FBXO27: variants seen among roughly 807,000 people sequenced by gnomAD.
FBXO27 encodes the protein F-box protein 27, also known as F-box only protein 27.
Under a neutral mutation model 28.3 loss-of-function variants are expected in FBXO27, and 28 were observed. The ratio of observed to expected loss-of-function variants is 0.99; its 90% CI spans 0.73 to 1.36. The LOEUF (loss-of-function observed/expected upper bound fraction) is 1.36, where lower values mean the gene tolerates loss of function less well. FBXO27 is among the 40% of genes most tolerant of loss of function. FBXO27 has a pLI of 0.00. For missense variants in FBXO27, 388 were observed against 394.1 expected (o/e 0.98, Z 0.13); for synonymous variants, 175 against 167.3 (o/e 1.05, Z -0.36).
At chr19:39,015,967 G>A (rs993986194) in intron 1 of FBXO27, among the ~76,000 whole-genome samples, 9 of 152,158 alleles carry the variant, frequency 5.9e-5, no homozygotes, top group Non-Finnish European at 7.3e-5. Flanking sequence ...AGCTACTCGG[G>A]AGGCTGAGGT....
chr19:39,017,929 T>C (rs1443795919), intron 1 of FBXO27, among the ~76,000 whole-genome samples: 2 of 152,142 alleles, frequency 1.3e-5, no homozygotes, highest in African/African-American at 4.8e-5. Context: ...AGTCCTTATA[T>C]AAAATGCAGT....
At chr19:39,011,705 G>A (rs1031439858) in intron 2 of FBXO27, among the ~76,000 whole-genome samples, 1 of 145,804 alleles carries the variant, frequency 6.9e-6, no homozygotes, top group Non-Finnish European at 1.5e-5. Flanking sequence ...GGGGAGGGGG[G>A]GTCTCCCTTT....
At chr19:39,017,399 A>G (rs1198141322) in intron 1 of FBXO27, among the ~76,000 whole-genome samples, 3 of 152,202 alleles carry the variant, frequency 2.0e-5, no homozygotes, top group Non-Finnish European at 2.9e-5. Flanking sequence ...GATTTTAAAA[A>G]ATCATACGTT....
chr19:39,025,751 G>T (rs1043546885), intron 5 of FBXO27, among the ~76,000 whole-genome samples, 197 bp from the exon 6 acceptor site: 1 of 151,536 alleles, frequency 6.6e-6, no homozygotes, highest in African/African-American at 2.4e-5. Context: ...GGTATGGCTC[G>T]TGCCTGTAAT....
chr19:39,018,946 G>A (rs2072831845), intron 1 of FBXO27, among the ~76,000 whole-genome samples: 1 of 151,694 alleles, frequency 6.6e-6, no homozygotes, highest in Non-Finnish European at 1.5e-5. Flanking sequence ...GTGGGTGCCT[G>A]TAATCCCAGC....
chr19:39,016,969 T>A, intron 1 of FBXO27, among the ~76,000 whole-genome samples: 1 of 151,878 alleles, frequency 6.6e-6, no homozygotes, highest in East Asian at 1.9e-4. Flanking sequence ...CCTGTAGTCC[T>A]AGCTACTCAG....
rs1208955106 is a variant in FBXO27 at position 39,031,182 on chromosome 19, G to A, written c.476+27C>T. 9 of 1,613,048 alleles carry A rather than the reference G, an allele frequency of 5.6e-6. No individual in the cohort carries two copies. In the East Asian group the frequency reaches 1.3e-4, roughly 24 times the overall value. ...GGCAGGCCTTTCTCAACAAGGGGCC[G>A]GACCTTTGGATAGCAGGGGCATTCA... On this transcript the variant is annotated intron_variant, in intron 3 of 5. Coordinates refer to ENST00000292853, the MANE Select transcript of FBXO27 (RefSeq NM_178820.5).
In FBXO27 at chr19:39,031,196, C is replaced by A. The variant is rs201255325; in HGVS notation, c.476+13G>T. 3 of 1,613,896 alleles carry A rather than the reference C, an allele frequency of 1.9e-6. No individual in the cohort carries two copies. In the East Asian group the frequency reaches 6.7e-5, roughly 36 times the overall value. ...AACAAGGGGCCGGACCTTTGGATAGCAGGGGCATTCACCTGAATGAAGTCA... is the reference window on the plus strand; with the variant it reads ...AACAAGGGGCCGGACCTTTGGATAGAAGGGGCATTCACCTGAATGAAGTCA... On this transcript the variant is annotated intron_variant, in intron 3 of 5. Coordinates refer to ENST00000292853, the MANE Select transcript of FBXO27 (RefSeq NM_178820.5).
chr19:39,030,263 A>C (rs1600228900), intron 4 of FBXO27, among the ~76,000 whole-genome samples: 1 of 152,184 alleles, frequency 6.6e-6, no homozygotes, highest in East Asian at 1.9e-4. Context: ...AGTACTTGCT[A>C]TGTGTTTGCC....
At chr19:39,020,021 G>A (rs1260894777), downstream of FBXO27, among the ~76,000 whole-genome samples, 2 of 152,094 alleles carry the variant, frequency 1.3e-5, no homozygotes, top group African/African-American at 2.4e-5. Context: ...CCAAAGTGCT[G>A]GGATTACAGG....
chr19:39,029,485 G>T (rs536340153), intron 4 of FBXO27, among the ~76,000 whole-genome samples: 114 of 148,880 alleles, frequency 7.7e-4, no homozygotes, highest in African/African-American at 2.7e-3. Context: ...TGGCCACTTT[G>T]CCTGGCTCCC....
At chr19:39,006,385 C>T (rs1221177980) in intron 2 of FBXO27, among the ~76,000 whole-genome samples, 1 of 151,938 alleles carries the variant, frequency 6.6e-6, no homozygotes, top group East Asian at 1.9e-4. Flanking sequence ...TGGAGAAACC[C>T]CGTCTCTACT....
chr19:39,009,770 C>T (rs2072785978), intron 2 of FBXO27, among the ~76,000 whole-genome samples: 1 of 151,756 alleles, frequency 6.6e-6, no homozygotes. Flanking sequence ...TGGTTGTGTC[C>T]TCTGATGCAC....
chr19:39,019,323 G>T (rs1326328679), downstream of FBXO27, among the ~76,000 whole-genome samples: 5 of 150,344 alleles, frequency 3.3e-5, no homozygotes, highest in Non-Finnish European at 5.9e-5. Flanking sequence ...TACTCGGGAG[G>T]CTGAGGCAAG....
intron 4 of FBXO27, 130 bp downstream of exon 4, chr19:39,030,899 T>G: frequency 1.3e-6 from 1 of 792,412 alleles, no homozygotes; most frequent in Non-Finnish European, 2.2e-6. Context: ...TGAGCCACCA[T>G]GGCTGGCCTG....
Position 39,025,243 on chromosome 19 carries a change from G to A in FBXO27, c.*168C>T. ...AAGATGGAAGAAGCTTCTTCTGGTA[G>A]TTTCTAGAACCTGAAGACAGGGCCC... On this transcript the variant is annotated 3_prime_UTR_variant, in exon 6 of 6. Transcript: ENST00000292853. 1 of 870,996 alleles carries A rather than the reference G, an allele frequency of 1.1e-6. No homozygotes were observed. Among genetic ancestry groups the A allele is most frequent in the East Asian group, 2.6e-5 (1 of 38,820 alleles). 54.0% of individuals were successfully genotyped at this position (870,996 alleles called of 1,614,324 possible).
chr19:39,007,059 A>AAAG, intron 2 of FBXO27, among the ~76,000 whole-genome samples: 1 of 145,384 alleles, frequency 6.9e-6, no homozygotes, highest in Non-Finnish European at 1.5e-5. Flanking sequence ...GGTGTCTCCA[A>AAAG]AAAAAAAAAA....
intron 2 of FBXO27, among the ~76,000 whole-genome samples, chr19:39,007,422 G>A (rs1164041148): frequency 6.6e-6 from 1 of 152,176 alleles, no homozygotes; most frequent in Non-Finnish European, 1.5e-5. Flanking sequence ...TGAGCAGGTG[G>A]AAGTATAGGG....
At chr19:39,029,775 G>A (rs958802523) in intron 4 of FBXO27, among the ~76,000 whole-genome samples, 2 of 152,146 alleles carry the variant, frequency 1.3e-5, no homozygotes, top group Admixed American at 1.3e-4. Flanking sequence ...TCTGGAGTCA[G>A]AATCTGACTC....
Sources: gnomAD v4.1 joint callset for allele counts (sites outside exome capture counted in the v4.1 genomes callset) on GRCh38, gnomAD v4.1.1 for gene constraint, MANE v1.5 for transcripts, NCBI Gene and HGNC (gene_info 2026-07-23, HGNC 2026-07-21) for gene names.